EPHA7: variants seen among roughly 807,000 people sequenced by gnomAD.
The protein encoded by EPHA7 is EPH receptor A7, also known as ephrin type-A receptor 7.
Under a neutral mutation model 112.6 loss-of-function variants are expected in EPHA7, and 25 were observed. That is an observed-to-expected ratio of 0.22 (90% CI 0.16 to 0.31). The LOEUF (loss-of-function observed/expected upper bound fraction) is 0.31, where lower values mean the gene tolerates loss of function less well. Ranked by LOEUF, EPHA7 falls within the 10% of genes least tolerant of loss-of-function variation. The pLI, the probability that EPHA7 is intolerant of heterozygous loss-of-function variation, is 1.00. For missense variants in EPHA7, 962 were observed against 1,212.6 expected, an observed-to-expected ratio of 0.79 and a Z score of 3.07; for synonymous variants, 437 against 406.5, an observed-to-expected ratio of 1.07 and a Z score of -0.90.
rs1000400183 is a variant in EPHA7, at chr6:93,419,485, A to G, written c.-144T>C. On this transcript the variant is annotated 5_prime_UTR_variant, in exon 1 of 17. Coordinates refer to ENST00000369303, the MANE Select transcript of EPHA7 (RefSeq NM_004440.4). ...GTCCCCGATCGGCTGCTCCACGTTT[A>G]GCTTTTTTTAATTTCCCCCCCACTC... The G allele has an allele frequency of 3.2e-6, 2 of 626,338 alleles. No homozygotes were observed. Among genetic ancestry groups the G allele is most frequent in the South Asian group, 2.1e-5 (1 of 47,010 alleles). 38.8% of individuals were successfully genotyped at this position (626,338 alleles called of 1,614,324 possible). A position where few individuals can be genotyped will look rare whatever the true frequency, so the allele number is the denominator to read the frequency against.
At chr6:93,333,434 C>G (rs1422819441) in intron 5 of EPHA7, among the ~76,000 whole-genome samples, 1 of 151,820 alleles carries the variant, frequency 6.6e-6, no homozygotes, top group Non-Finnish European at 1.5e-5. Context: ...AATGATAGTT[C>G]TGTTTTAAGT....
intron 1 of EPHA7, 54 bp from the exon 2 acceptor site, chr6:93,414,821 G>A: frequency 7.2e-7 from 1 of 1,380,866 alleles, no homozygotes; most frequent in Non-Finnish European, 1.0e-6. Flanking sequence ...ACGCACACAT[G>A]TAGACATTTT....
chr6:93,322,470 G>A (rs372616153), intron 5 of EPHA7, among the ~76,000 whole-genome samples: 1 of 151,426 alleles, frequency 6.6e-6, no homozygotes, highest in East Asian at 1.9e-4. Context: ...TTTCATAGAG[G>A]GGTGCTTTTC....
chr6:93,254,936 TTTAAAG>T (rs1770371511), intron 13 of EPHA7, 140 bp from the exon 14 acceptor site: 1 of 567,358 alleles, frequency 1.8e-6, no homozygotes, highest in Non-Finnish European at 3.0e-6. Flanking sequence ...TCTATGCGTA[TTTAAAG>T]TTATTTATCT....
At chr6:93,326,568 A>T (rs1774330463) in intron 5 of EPHA7, among the ~76,000 whole-genome samples, 1 of 151,422 alleles carries the variant, frequency 6.6e-6, no homozygotes, top group African/African-American at 2.4e-5. Context: ...AAACTAAGAA[A>T]TTATTTGTTC....
intron 5 of EPHA7, among the ~76,000 whole-genome samples, chr6:93,297,113 T>C (rs1159949682): frequency 6.6e-6 from 1 of 152,036 alleles, no homozygotes; most frequent in Non-Finnish European, 1.5e-5. Context: ...AATCATGCTT[T>C]TTCATTGGTC....
At chr6:93,314,157 TAAC>T (rs1773676046) in intron 5 of EPHA7, among the ~76,000 whole-genome samples, 2 of 152,172 alleles carry the variant, frequency 1.3e-5, no homozygotes, top group South Asian at 4.1e-4. Context: ...TAGTTCTACT[TAAC>T]AATAGCTGTC....
chr6:93,242,376 T>C lies in EPHA7; in HGVS notation c.*1050A>G, dbSNP rs1769726585. 5.1e-6 allele frequency: 1 copy of C among 197,704 alleles called. No individual in the cohort carries two copies. The highest frequency in any genetic ancestry group is 1.1e-5 in the Non-Finnish European group (1 of 95,120). 12.2% of individuals were successfully genotyped at this position (197,704 alleles called of 1,614,324 possible). ...TCAGAGTTATAATATAAAACAATTA[T>C]TTCCTTTCATGTTTGGACTGCATTC... On this transcript the variant is annotated 3_prime_UTR_variant, in exon 17 of 17. Coordinates refer to ENST00000369303, the MANE Select transcript of EPHA7 (RefSeq NM_004440.4).
chr6:93,309,861 A>G (rs1285108374), intron 5 of EPHA7, among the ~76,000 whole-genome samples: 1 of 152,218 alleles, frequency 6.6e-6, no homozygotes, highest in Non-Finnish European at 1.5e-5. Flanking sequence ...TATTCTGTTA[A>G]TGCTCTAATA....
chr6:93,287,772 C>T (rs1299630661), intron 5 of EPHA7, among the ~76,000 whole-genome samples: 2 of 151,926 alleles, frequency 1.3e-5, no homozygotes, highest in East Asian at 3.9e-4. Context: ...ACTTTGTTTC[C>T]TTTGCAAACC....
intron 3 of EPHA7, among the ~76,000 whole-genome samples, chr6:93,393,173 C>T (rs867220513): frequency 3.3e-5 from 5 of 151,746 alleles, no homozygotes; most frequent in Non-Finnish European, 7.4e-5. Flanking sequence ...CAATTCATGT[C>T]GAAGTGATGT....
intron 5 of EPHA7, among the ~76,000 whole-genome samples, chr6:93,304,112 T>C (rs1208747698): frequency 6.6e-6 from 1 of 151,010 alleles, no homozygotes; most frequent in South Asian, 2.1e-4. Flanking sequence ...AAAGGAATAG[T>C]AGGCATTCTA....
At chr6:93,249,322 G>A (rs1261180126) in intron 14 of EPHA7, among the ~76,000 whole-genome samples, 2 of 152,024 alleles carry the variant, frequency 1.3e-5, no homozygotes, top group Non-Finnish European at 2.9e-5. Flanking sequence ...AATTTCAGTG[G>A]TTTTGCAAAA....
At chr6:93,292,980 T>C (rs1772459610) in intron 5 of EPHA7, among the ~76,000 whole-genome samples, 1 of 152,110 alleles carries the variant, frequency 6.6e-6, no homozygotes, top group Admixed American at 6.5e-5. Flanking sequence ...TGTTATTCTT[T>C]TAAGTTAGAA....
intron 14 of EPHA7, among the ~76,000 whole-genome samples, chr6:93,250,689 C>T (rs987450932): frequency 1.3e-5 from 2 of 152,104 alleles, no homozygotes; most frequent in African/African-American, 4.8e-5. Context: ...CCCTCCACTT[C>T]TTAGAGGATT....
intron 6 of EPHA7, 49 bp downstream of exon 6, chr6:93,272,249 A>G (rs778345719): frequency 6.2e-7 from 1 of 1,604,980 alleles, no homozygotes; most frequent in South Asian, 1.1e-5. Flanking sequence ...CAGTAGGATG[A>G]CATGAGACAC....
chr6:93,336,551 T>A lies in EPHA7; in HGVS notation c.1324+20166A>T, dbSNP rs536554043. On this transcript the variant is annotated intron_variant, in intron 5 of 16. Transcript: ENST00000369303. ...CCGAGTAGCTGGGACTACAGGCACGTGCCACCACGCCTAGCTATTTTTTTT... is the reference window on the plus strand; with the variant it reads ...CCGAGTAGCTGGGACTACAGGCACGAGCCACCACGCCTAGCTATTTTTTTT... 1.6e-4 allele frequency among the ~76,000 whole-genome samples: 25 copies of A among 152,194 alleles called. No homozygotes were observed. In the East Asian group the frequency reaches 4.7e-3, roughly 28 times the overall value.
chr6:93,259,261 C>T, intron 10 of EPHA7, 93 bp downstream of exon 10: 1 of 1,506,790 alleles, frequency 6.6e-7, no homozygotes, highest in Non-Finnish European at 9.1e-7. Context: ...AAGTTCTATA[C>T]TTGAGGGATA....
chr6:93,324,343 A>C (rs1358346002), intron 5 of EPHA7, among the ~76,000 whole-genome samples: 1 of 151,392 alleles, frequency 6.6e-6, no homozygotes, highest in Non-Finnish European at 1.5e-5. Flanking sequence ...TAATTTAAAA[A>C]AGTTTCTATC....
Sources: allele counts gnomAD v4.1 joint callset (sites outside exome capture counted in the v4.1 genomes callset), GRCh38; gene constraint gnomAD v4.1.1; transcripts MANE v1.5; gene names NCBI Gene and HGNC (gene_info 2026-07-23, HGNC 2026-07-21).